CR1L: variants seen among roughly 807,000 people sequenced by gnomAD.
CR1L encodes complement component receptor 1-like protein.
CR1L carries 59 observed loss-of-function variants against 62.3 expected under a neutral mutation model. The ratio of observed to expected loss-of-function variants is 0.95; its 90% CI spans 0.77 to 1.18. The LOEUF (loss-of-function observed/expected upper bound fraction) is 1.18, where lower values mean the gene tolerates loss of function less well. CR1L is among the 50% of genes most tolerant of loss of function. CR1L has a pLI of 0.00. For missense variants in CR1L, 700 were observed against 702.8 expected (o/e 1.00, Z 0.04); for synonymous variants, 279 against 248.7 (o/e 1.12, Z -1.15).
At chr1:207,663,354 T>A (rs1571646681) in intron 1 of CR1L, among the ~76,000 whole-genome samples, 1 of 152,218 alleles carries the variant, frequency 6.6e-6, no homozygotes, top group South Asian at 2.1e-4. Flanking sequence ...TGGGCGCCCC[T>A]CCCCCAGCCT....
intron 1 of CR1L, among the ~76,000 whole-genome samples, chr1:207,674,711 C>T (rs1030891279): frequency 3.3e-5 from 5 of 152,216 alleles, no homozygotes; most frequent in African/African-American, 1.2e-4. Context: ...TCTCTTAATA[C>T]AGCTTTTGGC....
At chr1:207,708,317 C>T (rs1664302939) in intron 10 of CR1L, 54 bp downstream of exon 10, 1 of 1,587,972 alleles carries the variant, frequency 6.3e-7, no homozygotes, top group African/African-American at 1.3e-5. Context: ...TAGAGTTGTC[C>T]TCCTAGAATT....
At chr1:207,656,560 A>C (rs906641451) in intron 1 of CR1L, among the ~76,000 whole-genome samples, 2 of 152,132 alleles carry the variant, frequency 1.3e-5, no homozygotes, top group African/African-American at 4.8e-5. Flanking sequence ...GTGATTCTAC[A>C]AGCTGTACAG....
At chr1:207,708,014 T>A (rs1399288637) in intron 9 of CR1L, among the ~76,000 whole-genome samples, 164 bp from the exon 10 acceptor site, 1 of 152,198 alleles carries the variant, frequency 6.6e-6, no homozygotes, top group Admixed American at 6.5e-5. Context: ...TTTTCAATAG[T>A]GAGAGCAGAA....
At chr1:207,711,513 C>G (rs1014481320) in intron 10 of CR1L, 2 of 152,782 alleles carry the variant, frequency 1.3e-5, no homozygotes, top group African/African-American at 4.8e-5. Flanking sequence ...AGCACTGTGA[C>G]AGTTTACAAA....
At chr1:207,669,094 T>G in intron 1 of CR1L, 2 of 233,848 alleles carry the variant, frequency 8.6e-6, no homozygotes, top group Non-Finnish European at 1.7e-5. Context: ...TCAAGCAGGG[T>G]GTTTGGAGGT....
chr1:207,665,404 A>ATT (rs11457954), intron 1 of CR1L, among the ~76,000 whole-genome samples: 3 of 147,696 alleles, frequency 2.0e-5, no homozygotes, highest in Non-Finnish European at 3.0e-5. Flanking sequence ...AGATTAAATT[A>ATT]TTTTTTTTTC....
intron 1 of CR1L, among the ~76,000 whole-genome samples, chr1:207,666,599 G>T (rs116806443): frequency 0.038 from 5,833 of 152,272 alleles, 178 homozygotes; most frequent in South Asian, 0.12. Context: ...ACTAACGCAG[G>T]AACAGGAAAC....
intron 1 of CR1L, among the ~76,000 whole-genome samples, chr1:207,670,663 G>C (rs1448555213): frequency 6.6e-6 from 1 of 150,996 alleles, no homozygotes; most frequent in Non-Finnish European, 1.5e-5. Context: ...CTCTAAAAGA[G>C]TAAGGGGAAA....
intron 1 of CR1L, among the ~76,000 whole-genome samples, chr1:207,673,962 A>T (rs1338379665): frequency 6.6e-6 from 1 of 152,254 alleles, no homozygotes; most frequent in Non-Finnish European, 1.5e-5. Context: ...ACATATATTT[A>T]TACAATTGAA....
intron 4 of CR1L, 40 bp from the exon 5 acceptor site, chr1:207,694,313 T>C (rs1404827153): frequency 4.1e-5 from 66 of 1,610,510 alleles, no homozygotes; most frequent in Non-Finnish European, 5.6e-5. Flanking sequence ...GAGATTTTTG[T>C]CATTCATTAT....
At chr1:207,710,835 T>C in intron 10 of CR1L, 2 of 1,452,324 alleles carry the variant, frequency 1.4e-6, no homozygotes, top group Non-Finnish European at 1.9e-6. Flanking sequence ...TGCATTGCTG[T>C]TGGATCAGGA....
intron 1 of CR1L, among the ~76,000 whole-genome samples, chr1:207,675,609 A>C (rs1403011421): frequency 6.6e-6 from 1 of 152,258 alleles, no homozygotes; most frequent in African/African-American, 2.4e-5. Context: ...GTACAAAGCC[A>C]AAAGTTGGTT....
chr1:207,715,895 A>G (rs965637468), intron 10 of CR1L, among the ~76,000 whole-genome samples: 1 of 152,072 alleles, frequency 6.6e-6, no homozygotes, highest in Non-Finnish European at 1.5e-5. Context: ...GAGTCTTGCC[A>G]TATTGCCCAG....
chr1:207,706,038 TATA>T (rs1664262163), intron 9 of CR1L, among the ~76,000 whole-genome samples: 1 of 145,436 alleles, frequency 6.9e-6, no homozygotes, highest in South Asian at 2.1e-4. Flanking sequence ...TATATATATA[TATA>T]TATAAAACAC....
At chr1:207,713,509 A>G (rs929717604) in intron 10 of CR1L, among the ~76,000 whole-genome samples, 15 of 152,340 alleles carry the variant, frequency 9.8e-5, no homozygotes, top group African/African-American at 3.4e-4. Flanking sequence ...CCCAGGATCA[A>G]TGCAGGAGAC....
chr1:207,688,893 A>G (rs1425402727), intron 4 of CR1L, among the ~76,000 whole-genome samples: 4 of 152,072 alleles, frequency 2.6e-5, no homozygotes, highest in Admixed American at 6.6e-5. Flanking sequence ...ATTTTATTAA[A>G]TTTACTTTTA....
At chr1:207,682,972 C>CTTTCTTTCTTTT (rs879355334) in intron 3 of CR1L, among the ~76,000 whole-genome samples, 30,776 of 141,470 alleles carry the variant, frequency 0.22, 3,529 homozygotes, top group Non-Finnish European at 0.25. Context: ...TTCTTTCTTT[C>CTTTCTTTCTTTT]TTTCTTTCTT....
At chr1:207,645,906 G>A (rs529783198) in intron 1 of CR1L, among the ~76,000 whole-genome samples, 2 of 152,334 alleles carry the variant, frequency 1.3e-5, no homozygotes, top group East Asian at 3.9e-4. Flanking sequence ...AGTGGCCTGT[G>A]TGCGGAGTTC....
Sources: gnomAD v4.1 joint callset for allele counts (sites outside exome capture counted in the v4.1 genomes callset) on GRCh38, gnomAD v4.1.1 for gene constraint, MANE v1.5 for transcripts, NCBI Gene and HGNC (gene_info 2026-07-23, HGNC 2026-07-21) for gene names.